ALPK3: variants seen among roughly 807,000 people sequenced by gnomAD.
ALPK3 encodes alpha-protein kinase 3.
ALPK3 carries 102 observed loss-of-function variants against 140.0 expected under a neutral mutation model. The observed-to-expected ratio is 0.73, with a 90% CI of 0.62 to 0.86. The LOEUF is 0.86. Ranked by LOEUF, ALPK3 falls within the 40% of genes least tolerant of loss-of-function variation. ALPK3 has a pLI of 0.00. For missense variants in ALPK3, 2,254 were observed against 2,208.2 expected (o/e 1.02, Z -0.42); for synonymous variants, 938 against 898.5 (o/e 1.04, Z -0.79).
chr15:84,833,957 T>TTTTGTGTGTG (rs1555434307), intron 3 of ALPK3, among the ~76,000 whole-genome samples: 1 of 147,228 alleles, frequency 6.8e-6, no homozygotes, highest in African/African-American at 2.5e-5. Context: ...AGATTCTGTG[T>TTTTGTGTGTG]TGTGTGTGTG....
intron 8 of ALPK3, 50 bp downstream of exon 8, chr15:84,859,953 G>A (rs1303047630): frequency 6.2e-7 from 1 of 1,613,890 alleles, no homozygotes; most frequent in Non-Finnish European, 8.5e-7. Context: ...GCTCCTGGTG[G>A]GTGGGCAGCA....
At chr15:84,850,879 T>TATACACACACACACACAC (rs144798232) in intron 5 of ALPK3, among the ~76,000 whole-genome samples, 57 of 142,466 alleles carry the variant, frequency 4.0e-4, no homozygotes, top group Non-Finnish European at 6.5e-4. Flanking sequence ...GTTCCAGATA[T>TATACACACACACACACAC]ACACACACAC....
At position 84,858,360 on chromosome 15, in the gene ALPK3, C is replaced by T; in HGVS notation, c.3622C>T (p.Pro1208Ser). 1.9e-6 allele frequency: 3 copies of T among 1,554,944 alleles called. No individual in the cohort carries two copies. Among genetic ancestry groups the T allele is most frequent in the Non-Finnish European group, 2.6e-6 (3 of 1,150,164 alleles). ...KSLVPGSPGT[P>S]GRERRSPTQG... ...CCTGGTGCCTGGGTCCCCAGGGACT[C>T]CAGGGCGGGAGAGACGCTCCCCTAC... The change falls in exon 6 of 14, where the codon CCA becomes TCA. Residue 1208 changes from proline to serine, a missense_variant. Physicochemically the swap from Pro to Ser is moderately conservative, Grantham distance 74 (BLOSUM62 -1). Around this residue, in one of 3 missense-constraint regions of ALPK3, gnomAD observed 2,088 missense variants for 2,022.9 expected, o/e 1.03. Transcript: ENST00000258888.
chr15:84,844,315 G>A lies in ALPK3; in HGVS notation c.1653+3383G>A, dbSNP rs567517598. 2.0e-5 allele frequency among the ~76,000 whole-genome samples: 3 copies of A among 151,848 alleles called. No homozygotes were observed. The South Asian group carries it at 6.3e-4, about 32-fold the overall frequency. On this transcript the variant is annotated intron_variant, in intron 5 of 13. Transcript: ENST00000258888. ...TCAACTACTTGGGAGGCTGAGGCAC[G>A]AGAATCACTTAAACCTGGGAAGCAG...
At position 84,827,523 on chromosome 15, in the gene ALPK3, G is replaced by A; in HGVS notation, c.222G>A (p.Glu74=). Reference sequence around the variant, plus strand: ...CCATCATTGCTCAGCTCACAGAGGAGACCCAGCCGCTATTTGAGACCACGC... The same window carrying A: ...CCATCATTGCTCAGCTCACAGAGGAAACCCAGCCGCTATTTGAGACCACGC... The part of the protein sequence containing the change: ...FCSIIAQLTE[E]TQPLFETTLK... Residue 74 remains glutamate, a synonymous_variant, in exon 3 of 14, where the codon GAG becomes GAA. Coordinates refer to ENST00000258888, the MANE Select transcript of ALPK3 (RefSeq NM_020778.5). The A allele has an allele frequency of 6.2e-7, 1 of 1,614,186 alleles. No homozygotes were observed. Among genetic ancestry groups the A allele is most frequent in the Non-Finnish European group, 8.5e-7 (1 of 1,180,038 alleles).
At position 84,873,075 on chromosome 15, in the gene ALPK3, G is replaced by A. The variant is rs137959610; in HGVS notation, c.*4619G>A. Reference sequence around the variant, plus strand: ...ATGAGCGCCCTATTTTGTTCCTTCTGTCTATCTCTGTTGCTGAGATCAGGG... The same window carrying A: ...ATGAGCGCCCTATTTTGTTCCTTCTATCTATCTCTGTTGCTGAGATCAGGG... On this transcript the variant is annotated 3_prime_UTR_variant, in exon 14 of 14. Coordinates refer to ENST00000258888, the MANE Select transcript of ALPK3 (RefSeq NM_020778.5). 4 of 152,106 alleles carry A rather than the reference G, an allele frequency of 2.6e-5. No homozygotes were observed. The highest frequency in any genetic ancestry group is 2.1e-4 in the South Asian group (1 of 4,822). The allele number at this position is 152,106 out of a possible 1,614,324, so 9.4% of individuals were successfully genotyped here.
chr15:84,851,457 A>G (rs1371669739), intron 5 of ALPK3, among the ~76,000 whole-genome samples: 2 of 152,156 alleles, frequency 1.3e-5, no homozygotes, highest in African/African-American at 4.8e-5. Context: ...TGTTAACTGT[A>G]TGTCACATGC....
chr15:84,841,369 G>A (rs1054865590), intron 5 of ALPK3, among the ~76,000 whole-genome samples: 1 of 152,222 alleles, frequency 6.6e-6, no homozygotes, highest in African/African-American at 2.4e-5. Flanking sequence ...AAAGCTGAAT[G>A]TCCAGGAAAT....
chr15:84,820,906 G>A lies in ALPK3; in HGVS notation c.144-2424G>A, dbSNP rs527463467. 3.9e-5 allele frequency among the ~76,000 whole-genome samples: 6 copies of A among 152,338 alleles called. No individual in the cohort carries two copies. In the East Asian group the frequency reaches 1.2e-3, roughly 29 times the overall value. On this transcript the variant is annotated intron_variant, in intron 1 of 13. Transcript: ENST00000258888. ...CACAAAGTGTTGGGATTATAGGCATGAGCCACTGTGCTCAGTCCTAACTTC... is the reference window on the plus strand; with the variant it reads ...CACAAAGTGTTGGGATTATAGGCATAAGCCACTGTGCTCAGTCCTAACTTC...
In ALPK3 at chr15:84,850,879, T is replaced by C. The variant is rs867730957; in HGVS notation, c.1654-5513T>C. Among the ~76,000 whole-genome samples the C allele has an allele frequency of 5.1e-3, 727 of 142,470 alleles. 2 individuals are homozygous for C. Among genetic ancestry groups the C allele is most frequent in the Middle Eastern group, 0.017 (5 of 288 alleles). The allele number at this position is 142,470 out of a possible 152,430, so 93.5% of individuals were successfully genotyped here. ...TCATATCTTTACACAGTTCCAGATA[T>C]ACACACACACACACACACACACACA... On this transcript the variant is annotated intron_variant, in intron 5 of 13. Coordinates refer to ENST00000258888, the MANE Select transcript of ALPK3 (RefSeq NM_020778.5).
At chr15:84,845,739 G>A (rs1212710659) in intron 5 of ALPK3, among the ~76,000 whole-genome samples, 2 of 152,158 alleles carry the variant, frequency 1.3e-5, no homozygotes, top group African/African-American at 4.8e-5. Flanking sequence ...CTGGCCACTG[G>A]GTGGCACACA....
chr15:84,827,554 TC>T lies in ALPK3; in HGVS notation c.256del (p.Arg86GlyfsTer23). 1 of 1,614,200 alleles carries T rather than the reference TC, an allele frequency of 6.2e-7. No individual in the cohort carries two copies. ...TQPLFETTLKSRSVSEDSDVR... is the reference protein window; with the variant it reads ...TQPLFETTLKXRSVSEDSDVR... ...GCCGCTATTTGAGACCACGCTCAAGTCCCGGTCTGTGTCCGAGGACAGCGAC... is the reference window on the plus strand; with the variant it reads ...GCCGCTATTTGAGACCACGCTCAAGTCCGGTCTGTGTCCGAGGACAGCGAC... On this transcript the variant is annotated frameshift_variant, in exon 3 of 14. Transcript: ENST00000258888. LOFTEE classifies it high-confidence loss of function.
At chr15:84,826,927 C>T (rs1419880375) in intron 2 of ALPK3, among the ~76,000 whole-genome samples, 1 of 152,122 alleles carries the variant, frequency 6.6e-6, no homozygotes, top group Non-Finnish European at 1.5e-5. Flanking sequence ...TAGCATTGGC[C>T]AGCTTATTCT....
rs539562880 is a variant in ALPK3, at chr15:84,854,855, A to T, written c.1654-1537A>T. 3.3e-5 allele frequency among the ~76,000 whole-genome samples: 5 copies of T among 152,300 alleles called. No homozygotes were observed. In the East Asian group the frequency reaches 9.6e-4, roughly 29 times the overall value. ...CACTTGATTTTAGTCTTGCTTCTACAGTTATATGTTAATATGCATTAATAT... is the reference window on the plus strand; with the variant it reads ...CACTTGATTTTAGTCTTGCTTCTACTGTTATATGTTAATATGCATTAATAT... On this transcript the variant is annotated intron_variant, in intron 5 of 13. Coordinates refer to ENST00000258888, the MANE Select transcript of ALPK3 (RefSeq NM_020778.5).
At chr15:84,851,438 T>C (rs1238793977) in intron 5 of ALPK3, among the ~76,000 whole-genome samples, 1 of 152,190 alleles carries the variant, frequency 6.6e-6, no homozygotes, top group African/African-American at 2.4e-5. Flanking sequence ...TCATTTTTAA[T>C]TGTATTTTTG....
At chr15:84,860,572 A>T (rs1025150293) in intron 9 of ALPK3, among the ~76,000 whole-genome samples, 1 of 152,186 alleles carries the variant, frequency 6.6e-6, no homozygotes, top group Non-Finnish European at 1.5e-5. Flanking sequence ...GAAGGGCTCA[A>T]ATAGGGATGG....
intron 5 of ALPK3, among the ~76,000 whole-genome samples, chr15:84,850,879 T>TATACACACACCC (rs144798232): frequency 7.0e-6 from 1 of 142,366 alleles, no homozygotes; most frequent in African/African-American, 2.7e-5. Flanking sequence ...GTTCCAGATA[T>TATACACACACCC]ACACACACAC....
intron 5 of ALPK3, among the ~76,000 whole-genome samples, chr15:84,853,617 A>G (rs933956958): frequency 6.6e-6 from 1 of 152,130 alleles, no homozygotes; most frequent in African/African-American, 2.4e-5. Context: ...CCGTCTCAAA[A>G]GAAAAAAAAA....
rs557221936 is a variant in ALPK3 at position 84,858,910 on chromosome 15, G to A, written c.3818-333G>A. On this transcript the variant is annotated intron_variant, in intron 6 of 13. Coordinates refer to ENST00000258888, the MANE Select transcript of ALPK3 (RefSeq NM_020778.5). ...TGTCGCATGATTACAGAGTGGTGGG[G>A]ACAGGATTCAAATGCAGGCTTCCAG... Among the ~76,000 whole-genome samples, 4 of 152,328 alleles carry A rather than the reference G, an allele frequency of 2.6e-5. No homozygotes were observed. In the South Asian group the frequency reaches 6.2e-4, roughly 24 times the overall value.
Sources: gnomAD v4.1 joint callset for allele counts (sites outside exome capture counted in the v4.1 genomes callset) on GRCh38, gnomAD v4.1.1 for gene constraint, gnomAD v4.1.1 regional missense constraint, MANE v1.5 for transcripts, NCBI Gene and HGNC (gene_info 2026-07-23, HGNC 2026-07-21) for gene names.